The following SPMAP2L variants were observed in gnomAD, a reference collection of about 807,000 sequenced individuals.
The protein encoded by SPMAP2L is sperm microtubule associated protein 2-like.
At chr4:56,609,406 G>A in the SPMAP2L span, among the ~76,000 whole-genome samples, 1 of 152,152 alleles carries the variant, frequency 6.6e-6, no homozygotes, top group Non-Finnish European at 1.5e-5. Flanking sequence ...GGGGGAGTTT[G>A]CTTCAAACTA....
the SPMAP2L span, chr4:56,593,410 G>T: frequency 7.2e-7 from 1 of 1,394,890 alleles, no homozygotes; most frequent in Non-Finnish European, 1.0e-6. Context: ...CTGTGAAATG[G>T]ACTTCAGTGG....
chr4:56,572,051 A>C, the SPMAP2L span, among the ~76,000 whole-genome samples: 1 of 152,134 alleles, frequency 6.6e-6, no homozygotes, highest in Non-Finnish European at 1.5e-5. Context: ...AATTTTTTTT[A>C]TAAGTAGAAA....
At chr4:56,604,983 T>C in the SPMAP2L span, among the ~76,000 whole-genome samples, 2 of 152,150 alleles carry the variant, frequency 1.3e-5, no homozygotes, top group Non-Finnish European at 2.9e-5. Context: ...AATGATACAA[T>C]GGACTTTGGG....
chr4:56,548,443 C>A, the SPMAP2L span, among the ~76,000 whole-genome samples: 3 of 152,016 alleles, frequency 2.0e-5, no homozygotes, highest in African/African-American at 7.2e-5. Flanking sequence ...CCAAATATTC[C>A]TCCAAATTTT....
chr4:56,601,017 A>T, the SPMAP2L span: 1 of 1,535,442 alleles, frequency 6.5e-7, no homozygotes, highest in Non-Finnish European at 8.7e-7. Flanking sequence ...AAGATTATCT[A>T]CCTGACCGTG....
the SPMAP2L span, among the ~76,000 whole-genome samples, chr4:56,589,680 T>G: frequency 2.5e-4 from 38 of 152,074 alleles, no homozygotes; most frequent in South Asian, 4.2e-4. Flanking sequence ...TAAGGTTTTT[T>G]TTGTTGTTGT....
the SPMAP2L span, among the ~76,000 whole-genome samples, chr4:56,607,550 CA>C: frequency 1.3e-5 from 2 of 152,098 alleles, no homozygotes; most frequent in African/African-American, 4.8e-5. Flanking sequence ...TGGAACAGTT[CA>C]GAGGAGCAGG....
At chr4:56,611,157 A>G in the SPMAP2L span, among the ~76,000 whole-genome samples, 1 of 152,366 alleles carries the variant, frequency 6.6e-6, no homozygotes, top group East Asian at 1.9e-4. Flanking sequence ...TATTTATAGC[A>G]GCACAATTCG....
the SPMAP2L span, among the ~76,000 whole-genome samples, chr4:56,554,280 G>T: frequency 6.6e-6 from 1 of 152,170 alleles, no homozygotes; most frequent in Non-Finnish European, 1.5e-5. Flanking sequence ...TAAGATGACT[G>T]TACCATTTTG....
At chr4:56,544,208 C>G in the SPMAP2L span, among the ~76,000 whole-genome samples, 4 of 152,054 alleles carry the variant, frequency 2.6e-5, no homozygotes, top group Admixed American at 2.6e-4. Context: ...AGGCTGGTCT[C>G]GAACTCCTGA....
the SPMAP2L span, among the ~76,000 whole-genome samples, chr4:56,545,907 C>T: frequency 6.6e-6 from 1 of 152,190 alleles, no homozygotes; most frequent in East Asian, 1.9e-4. Flanking sequence ...ATTCTCCTGC[C>T]TCAGCCTCCT....
chr4:56,589,456 C>G, the SPMAP2L span, among the ~76,000 whole-genome samples: 1 of 152,182 alleles, frequency 6.6e-6, no homozygotes, highest in African/African-American at 2.4e-5. Flanking sequence ...ATTGTTTTTT[C>G]TAATTTTGTG....
chr4:56,540,491 C>T, the SPMAP2L span, among the ~76,000 whole-genome samples: 4 of 152,080 alleles, frequency 2.6e-5, no homozygotes, highest in Admixed American at 2.0e-4. Context: ...TGCAGTGAGC[C>T]GAGATCGCAC....
the SPMAP2L span, among the ~76,000 whole-genome samples, chr4:56,599,142 A>G: frequency 6.6e-6 from 1 of 152,012 alleles, no homozygotes; most frequent in Non-Finnish European, 1.5e-5. Context: ...AACAGAATAC[A>G]CTAAGTGTGT....
At chr4:56,615,517 C>G in the SPMAP2L span, among the ~76,000 whole-genome samples, 1 of 152,206 alleles carries the variant, frequency 6.6e-6, no homozygotes, top group East Asian at 1.9e-4. Flanking sequence ...GAGGCCGAGG[C>G]GGGTGGATCA....
the SPMAP2L span, among the ~76,000 whole-genome samples, chr4:56,573,158 G>T: frequency 2.0e-5 from 3 of 152,106 alleles, no homozygotes; most frequent in East Asian, 1.9e-4. Flanking sequence ...ATAAGGAAAA[G>T]ATATGCAAAT....
the SPMAP2L span, among the ~76,000 whole-genome samples, chr4:56,597,163 G>A: frequency 6.6e-6 from 1 of 152,182 alleles, no homozygotes; most frequent in Non-Finnish European, 1.5e-5. Context: ...CTGGTAAGAA[G>A]GAGTCAACCA....
the SPMAP2L span, among the ~76,000 whole-genome samples, chr4:56,626,074 A>C: frequency 6.6e-6 from 1 of 152,242 alleles, no homozygotes; most frequent in Non-Finnish European, 1.5e-5. Context: ...GATACCTCTC[A>C]ACACAGTTCA....
At chr4:56,563,254 G>A in the SPMAP2L span, among the ~76,000 whole-genome samples, 2 of 149,686 alleles carry the variant, frequency 1.3e-5, no homozygotes, top group Non-Finnish European at 3.0e-5. Flanking sequence ...CACCATACCC[G>A]GCTAATTTTT....
Sources: gnomAD v4.1 joint callset for allele counts (sites outside exome capture counted in the v4.1 genomes callset) on GRCh38, gnomAD v4.1.1 for gene constraint, MANE v1.5 for transcripts, NCBI Gene and HGNC (gene_info 2026-07-23, HGNC 2026-07-21) for gene names.